AKAP19: variants seen among roughly 807,000 people sequenced by gnomAD.
AKAP19 encodes the protein A-kinase anchoring protein 19, also known as small A-kinase anchoring protein.
chr2:190,118,321 T>G, the AKAP19 span, among the ~76,000 whole-genome samples: 1 of 152,302 alleles, frequency 6.6e-6, no homozygotes, highest in East Asian at 1.9e-4. Context: ...CTTCTGAAAC[T>G]ATTCCAATCA....
chr2:190,187,641 C>T, the AKAP19 span, among the ~76,000 whole-genome samples: 1 of 152,244 alleles, frequency 6.6e-6, no homozygotes, highest in East Asian at 1.9e-4. Context: ...AGAAGGATCA[C>T]TTGACGCCAG....
At chr2:190,136,520 G>T in the AKAP19 span, among the ~76,000 whole-genome samples, 3 of 152,098 alleles carry the variant, frequency 2.0e-5, no homozygotes, top group Admixed American at 2.0e-4. Context: ...TTGGTTTCTG[G>T]ACAACATAAG....
the AKAP19 span, among the ~76,000 whole-genome samples, chr2:190,046,983 A>C: frequency 6.6e-6 from 1 of 152,208 alleles, no homozygotes; most frequent in East Asian, 1.9e-4. Context: ...ACAGAAAAAA[A>C]GGGCAACACA....
At chr2:190,163,833 C>G in the AKAP19 span, 3 of 150,254 alleles carry the variant, frequency 2.0e-5, no homozygotes, top group African/African-American at 4.8e-5. Flanking sequence ...GAATTTTAAC[C>G]AATAACATTA....
chr2:189,977,513 G>T, the AKAP19 span, among the ~76,000 whole-genome samples: 2 of 152,180 alleles, frequency 1.3e-5, no homozygotes, highest in Non-Finnish European at 2.9e-5. Flanking sequence ...ATTGAATGCT[G>T]TTCTTGAAAA....
the AKAP19 span, among the ~76,000 whole-genome samples, chr2:190,197,875 A>G: frequency 6.6e-6 from 1 of 152,136 alleles, no homozygotes; most frequent in Non-Finnish European, 1.5e-5. This position sits in a 1 kb window ranked among gnomAD's most constrained non-coding sequence, Gnocchi z 4.0. Flanking sequence ...TGATGGTTCC[A>G]CTCACAGCCT....
chr2:189,934,208 T>C, the AKAP19 span, among the ~76,000 whole-genome samples: 1 of 152,056 alleles, frequency 6.6e-6, no homozygotes, highest in Non-Finnish European at 1.5e-5. Context: ...ATATAAATAG[T>C]AGTGTGAAGA....
At chr2:189,915,527 G>A in the AKAP19 span, among the ~76,000 whole-genome samples, 3 of 151,994 alleles carry the variant, frequency 2.0e-5, no homozygotes, top group Non-Finnish European at 4.4e-5. Flanking sequence ...ATCCCAGCTA[G>A]CAAATGATGT....
chr2:190,061,464 G>A, the AKAP19 span, among the ~76,000 whole-genome samples: 2 of 151,876 alleles, frequency 1.3e-5, no homozygotes, highest in African/African-American at 4.8e-5. Context: ...TATTTTAGAA[G>A]GTTATTAAGC....
At chr2:190,089,319 T>C in the AKAP19 span, among the ~76,000 whole-genome samples, 1 of 152,138 alleles carries the variant, frequency 6.6e-6, no homozygotes, top group East Asian at 1.9e-4. Flanking sequence ...CTGGGGTCCT[T>C]CAGAAAAATA....
the AKAP19 span, among the ~76,000 whole-genome samples, chr2:189,979,178 T>C: frequency 6.6e-6 from 1 of 151,872 alleles, no homozygotes; most frequent in African/African-American, 2.4e-5. Context: ...CTAACTTCAA[T>C]CTATACTACA....
chr2:190,062,219 C>G, the AKAP19 span: 1 of 1,612,826 alleles, frequency 6.2e-7, no homozygotes, highest in Non-Finnish European at 8.5e-7. Flanking sequence ...AATAGGACTA[C>G]TTACACTCTG....
the AKAP19 span, among the ~76,000 whole-genome samples, chr2:190,127,499 A>G: frequency 6.6e-6 from 1 of 152,184 alleles, no homozygotes; most frequent in Non-Finnish European, 1.5e-5. Flanking sequence ...GGCAAATACT[A>G]AAGCTGTCTA....
At chr2:190,090,054 A>G in the AKAP19 span, among the ~76,000 whole-genome samples, 1 of 152,108 alleles carries the variant, frequency 6.6e-6, no homozygotes, top group South Asian at 2.1e-4. Context: ...TTGTAGGTGT[A>G]TGGTGTGCAA....
the AKAP19 span, among the ~76,000 whole-genome samples, chr2:190,058,926 A>G: frequency 6.6e-6 from 1 of 151,824 alleles, no homozygotes; most frequent in Non-Finnish European, 1.5e-5. Flanking sequence ...AGACTTCACC[A>G]CTGTACAATT....
the AKAP19 span, among the ~76,000 whole-genome samples, chr2:190,020,709 TCCCAAAC>T: frequency 1.3e-5 from 2 of 152,106 alleles, no homozygotes; most frequent in Admixed American, 6.6e-5. Context: ...TTTTTCATCT[TCCCAAAC>T]TGAAACTCTA....
chr2:190,176,437 T>A, the AKAP19 span, among the ~76,000 whole-genome samples: 1 of 150,856 alleles, frequency 6.6e-6, no homozygotes, highest in Admixed American at 6.6e-5. This position sits in a 1 kb window ranked among gnomAD's most constrained non-coding sequence, Gnocchi z 4.7. Context: ...AACCTCCACC[T>A]CCCAGGTTCA....
At chr2:190,141,813 G>C in the AKAP19 span, among the ~76,000 whole-genome samples, 1 of 152,204 alleles carries the variant, frequency 6.6e-6, no homozygotes, top group Non-Finnish European at 1.5e-5. Flanking sequence ...CCCGGTTTTT[G>C]AGAGAAGCTT....
At chr2:189,961,653 C>T in the AKAP19 span, among the ~76,000 whole-genome samples, 30 of 152,190 alleles carry the variant, frequency 2.0e-4, no homozygotes, top group East Asian at 5.8e-3. Flanking sequence ...TGGCTCACAC[C>T]TGTAATCCCA....
Sources: gnomAD v4.1 joint callset for allele counts (sites outside exome capture counted in the v4.1 genomes callset) on GRCh38, gnomAD v4.1.1 for gene constraint, Gnocchi (gnomAD v3.1) non-coding constraint, MANE v1.5 for transcripts, NCBI Gene and HGNC (gene_info 2026-07-23, HGNC 2026-07-21) for gene names.